The following SUGCT variants were observed in gnomAD, a reference collection of about 807,000 sequenced individuals.
The protein encoded by SUGCT is succinyl-CoA:glutarate-CoA transferase, also known as succinyl-CoA:glutarate CoA-transferase.
In SUGCT, 41 loss-of-function variants were observed where a neutral mutation model predicts 55.0. That is an observed-to-expected ratio of 0.74 (90% confidence interval 0.58 to 0.97). The LOEUF (loss-of-function observed/expected upper bound fraction) is 0.97, where lower values mean the gene tolerates loss of function less well. SUGCT is among the 50% of genes least tolerant of loss of function. The pLI is 0.00. For missense variants in SUGCT, 568 were observed against 547.8 expected (o/e 1.04, Z -0.37); for synonymous variants, 187 against 200.4 (o/e 0.93, Z 0.56).
At chr7:40,197,782 G>A (rs1386941237) in intron 6 of SUGCT, among the ~76,000 whole-genome samples, 1 of 152,208 alleles carries the variant, frequency 6.6e-6, no homozygotes, top group Non-Finnish European at 1.5e-5. Context: ...TAGGGTGTGG[G>A]TTTCGAGCAG....
intron 12 of SUGCT, among the ~76,000 whole-genome samples, chr7:40,742,436 G>C (rs1046034533): frequency 2.6e-5 from 4 of 152,034 alleles, no homozygotes; most frequent in African/African-American, 7.2e-5. Context: ...TGATTCAAGG[G>C]TATTACATTT....
At chr7:40,302,934 C>A (rs1021995892) in intron 8 of SUGCT, among the ~76,000 whole-genome samples, 1 of 152,164 alleles carries the variant, frequency 6.6e-6, no homozygotes, top group South Asian at 2.1e-4. Context: ...TAGGCATCTC[C>A]ACCTGGACAT....
chr7:40,244,469 A>G (rs1789680866), intron 7 of SUGCT, among the ~76,000 whole-genome samples: 13 of 152,226 alleles, frequency 8.5e-5, no homozygotes, highest in Admixed American at 8.5e-4. Flanking sequence ...GCAAGTCTTC[A>G]AGGTCAAGTA....
At chr7:40,422,568 C>T (rs1286251898) in intron 9 of SUGCT, among the ~76,000 whole-genome samples, 1 of 152,036 alleles carries the variant, frequency 6.6e-6, no homozygotes, top group African/African-American at 2.4e-5. Flanking sequence ...CATCAGAATC[C>T]TAAACTTGTA....
intron 1 of SUGCT, among the ~76,000 whole-genome samples, chr7:40,157,043 T>C (rs1413887296): frequency 1.3e-5 from 2 of 150,480 alleles, no homozygotes; most frequent in Non-Finnish European, 2.9e-5. Context: ...AATATTTTCA[T>C]GTTTCTGCAT....
chr7:40,594,707 G>T (rs558855617), intron 12 of SUGCT, among the ~76,000 whole-genome samples: 1 of 152,158 alleles, frequency 6.6e-6, no homozygotes, highest in Non-Finnish European at 1.5e-5. Context: ...GTCAGGTCCT[G>T]TGTGGCACTA....
intron 12 of SUGCT, among the ~76,000 whole-genome samples, chr7:40,574,734 G>A (rs1246005848): frequency 6.6e-6 from 1 of 152,112 alleles, no homozygotes; most frequent in Non-Finnish European, 1.5e-5. Flanking sequence ...GCCCGGCTGG[G>A]CCTGTTAGTT....
chr7:40,150,161 C>T (rs1043465198), intron 1 of SUGCT, among the ~76,000 whole-genome samples: 2 of 152,222 alleles, frequency 1.3e-5, no homozygotes, highest in African/African-American at 4.8e-5. Flanking sequence ...CAGAACTACT[C>T]CTAAGATCAG....
chr7:40,378,357 T>G (rs1226346062), intron 9 of SUGCT, among the ~76,000 whole-genome samples: 2 of 152,220 alleles, frequency 1.3e-5, no homozygotes, highest in Admixed American at 1.3e-4. Context: ...TTGACCTACC[T>G]TCAAAGTTAC....
At chr7:40,704,503 G>A (rs536610731) in intron 12 of SUGCT, among the ~76,000 whole-genome samples, 62 of 152,264 alleles carry the variant, frequency 4.1e-4, no homozygotes, top group African/African-American at 1.4e-3. Flanking sequence ...GGTGACCACA[G>A]GGGTAGAGGT....
chr7:40,983,547 A>T, the SUGCT span, among the ~76,000 whole-genome samples: 2 of 152,294 alleles, frequency 1.3e-5, no homozygotes, highest in Admixed American at 6.5e-5. Context: ...GAGACTGGAC[A>T]TTCTAGGCTT....
At chr7:40,706,592 A>G (rs1785421444) in intron 12 of SUGCT, among the ~76,000 whole-genome samples, 1 of 152,308 alleles carries the variant, frequency 6.6e-6, no homozygotes, top group Non-Finnish European at 1.5e-5. Context: ...GGACTTGATT[A>G]TAATAAGTGG....
At chr7:40,871,191 A>T in the SUGCT span, among the ~76,000 whole-genome samples, 1 of 152,322 alleles carries the variant, frequency 6.6e-6, no homozygotes, top group South Asian at 2.1e-4. Flanking sequence ...ACCCAGCCAC[A>T]CATTTATATT....
chr7:40,699,791 C>T lies in SUGCT; in HGVS notation c.1090-49643C>T, dbSNP rs187953224. Among the ~76,000 whole-genome samples the T allele has an allele frequency of 4.0e-3, 611 of 152,190 alleles. 9 individuals are homozygous for T. Among genetic ancestry groups the T allele is most frequent in the South Asian group, 7.7e-3 (37 of 4,822 alleles). ...GGCTGAGGCACGAGGATTGCTTGAA[C>T]CCGGGAGGTGGAGGCTGCAGTGAGC... On this transcript the variant is annotated intron_variant, in intron 12 of 13. Coordinates refer to ENST00000335693, the MANE Select transcript of SUGCT (RefSeq NM_001193313.2).
chr7:40,526,895 TG>T (rs1331294360), intron 12 of SUGCT, among the ~76,000 whole-genome samples: 1 of 152,208 alleles, frequency 6.6e-6, no homozygotes, highest in African/African-American at 2.4e-5. Context: ...TGCCAGAAGA[TG>T]TGAATAAAAA....
chr7:40,263,399 A>G (rs1171372064), intron 7 of SUGCT, among the ~76,000 whole-genome samples: 1 of 152,244 alleles, frequency 6.6e-6, no homozygotes, highest in Admixed American at 6.5e-5. Context: ...TAAGTGCAAA[A>G]TATTTAATCT....
At chr7:40,401,749 A>G (rs1350748543) in intron 9 of SUGCT, among the ~76,000 whole-genome samples, 4 of 152,234 alleles carry the variant, frequency 2.6e-5, no homozygotes, top group Non-Finnish European at 4.4e-5. Context: ...GGAAGTTTAC[A>G]TAAGACCAGA....
At chr7:40,893,641 T>A in the SUGCT span, among the ~76,000 whole-genome samples, 1 of 152,096 alleles carries the variant, frequency 6.6e-6, no homozygotes, top group African/African-American at 2.4e-5. Flanking sequence ...TTTAAAAAAA[T>A]ATTCACAGAA....
At chr7:40,574,858 G>A (rs893977763) in intron 12 of SUGCT, among the ~76,000 whole-genome samples, 1 of 152,132 alleles carries the variant, frequency 6.6e-6, no homozygotes, top group African/African-American at 2.4e-5. Flanking sequence ...ATCATGCCAC[G>A]AAATCTTCAC....
Sources: gnomAD v4.1 joint callset for allele counts (sites outside exome capture counted in the v4.1 genomes callset) on GRCh38, gnomAD v4.1.1 for gene constraint, MANE v1.5 for transcripts, NCBI Gene and HGNC (gene_info 2026-07-23, HGNC 2026-07-21) for gene names.